The following TNS2 variants were observed in gnomAD, a reference collection of about 807,000 sequenced individuals.
TNS2 encodes tensin 2, also known as tensin-2.
In TNS2, 77 loss-of-function variants were observed where a neutral mutation model predicts 155.7. The ratio of observed to expected loss-of-function variants is 0.49; its 90% CI spans 0.41 to 0.60. The LOEUF is 0.60. Among genes scored for constraint, TNS2 ranks in the 20% least tolerant of loss-of-function variants. The pLI is 0.00. For synonymous variants in TNS2, 726 were observed against 763.9 expected (o/e 0.95, Z 0.82); for missense variants, 1,703 against 1,868.8 (o/e 0.91, Z 1.64).
At chr12:53,049,772 C>A, upstream of TNS2, 1 of 272,540 alleles carries the variant, frequency 3.7e-6, no homozygotes, top group South Asian at 3.5e-5. Flanking sequence ...AGCCCTGCCC[C>A]GAGACCAGAA....
intron 10 of TNS2, chr12:53,056,383 AC>A (rs1391526342): frequency 6.5e-6 from 1 of 153,342 alleles, no homozygotes; most frequent in African/African-American, 2.4e-5. Context: ...ACAAAACAAA[AC>A]AAAAAACAGT....
rs776007075 is a variant in TNS2 at position 53,061,218 on chromosome 12, T to C, written c.3312T>C (p.His1104=). Reference sequence around the variant, plus strand: ...CGCCAGCCAGAGGCATCAGTCACCATGTCACCTTCGCACCTCTGCTCTCAG... The same window carrying C: ...CGCCAGCCAGAGGCATCAGTCACCACGTCACCTTCGCACCTCTGCTCTCAG... The part of the protein sequence containing the change: ...ASSPARGISH[H]VTFAPLLSDN... Residue 1104 remains histidine, a synonymous_variant, in exon 20 of 29, where the codon CAT becomes CAC. Transcript: ENST00000314250. 13 of 1,574,006 alleles carry C rather than the reference T, an allele frequency of 8.3e-6. No individual in the cohort carries two copies. The highest frequency in any genetic ancestry group is 1.1e-5 in the Non-Finnish European group (13 of 1,159,614).
At position 53,057,814 on chromosome 12, in the gene TNS2, G is replaced by A. The variant is rs537448606; in HGVS notation, c.1000G>A (p.Val334Ile). 10 of 1,613,948 alleles carry A rather than the reference G, an allele frequency of 6.2e-6. No individual in the cohort carries two copies. Among genetic ancestry groups the A allele is most frequent in the African/African-American group, 1.3e-5 (1 of 75,032 alleles). ...FLKIYQSMQLVYTSGVYHIAG... is the reference protein window; with the variant it reads ...FLKIYQSMQLIYTSGVYHIAG... ...TAAAATCTACCAGTCCATGCAGCTT[G>A]TCTACACATCTGGAGTCTAGTGAGT... The change falls in exon 13 of 29, where the codon GTC becomes ATC. Residue 334 changes from valine (V) to isoleucine (I), a missense_variant. Transcript: ENST00000314250.
Position 53,059,704 on chromosome 12 carries a change from ACCCATGCCCAG to A in TNS2, c.2066_2076del (p.Pro689LeufsTer28). 6.2e-7 allele frequency: 1 copy of A among 1,612,952 alleles called. No individual in the cohort carries two copies. Among genetic ancestry groups the A allele is most frequent in the Non-Finnish European group, 8.5e-7 (1 of 1,179,882 alleles). ...GAGGACCCTGGGCTGCCTGCCCTAT[ACCCATGCCCAG>A]CCTGCGAGGAGAAGCTGGCGCTGCC... On this transcript the variant is annotated frameshift_variant, in exon 18 of 29. Transcript: ENST00000314250. LOFTEE classifies it high-confidence loss of function. This position sits in a 1 kb window ranked among gnomAD's most constrained non-coding sequence, Gnocchi z 4.7.
At chr12:53,053,483 A>T in intron 4 of TNS2, 34 bp downstream of exon 4, 1 of 1,613,426 alleles carries the variant, frequency 6.2e-7, no homozygotes, top group Non-Finnish European at 8.5e-7. Flanking sequence ...GGGGAGGGCA[A>T]GGAACCTGGC....
In TNS2 at chr12:53,054,118, C is replaced by G. The variant is rs540967594; in HGVS notation, c.350+104C>G. On this transcript the variant is annotated intron_variant, in intron 6 of 28. Coordinates refer to ENST00000314250, the MANE Select transcript of TNS2 (RefSeq NM_170754.4). The stretch of plus-strand genomic sequence containing the variant: ...AACAGAGCTCCCCGGGACAGCCCCC[C>G]ACCCCCAAAGCGGTATTCTCCCTCC... 350 of 1,574,784 alleles carry G rather than the reference C, an allele frequency of 2.2e-4. 3 individuals are homozygous for G. Among genetic ancestry groups the G allele is most frequent in the Non-Finnish European group, 2.6e-4 (297 of 1,150,082 alleles).
intron 14 of TNS2, 48 bp from the exon 15 acceptor site, chr12:53,058,268 C>T: frequency 2.5e-6 from 4 of 1,608,390 alleles, no homozygotes; most frequent in Non-Finnish European, 3.4e-6. Context: ...GGTGGAAGCG[C>T]AGAAGAGGAC....
intron 11 of TNS2, 96 bp from the exon 12 acceptor site, chr12:53,057,471 C>G: frequency 2.1e-6 from 2 of 933,692 alleles, no homozygotes; most frequent in Non-Finnish European, 3.3e-6. Context: ...AAGTGTTGAG[C>G]AGAAGAGCGA....
In TNS2 at chr12:53,064,372, A is replaced by C. The variant is rs951496912; in HGVS notation, c.*490A>C. 1 of 156,354 alleles carries C rather than the reference A, an allele frequency of 6.4e-6. No homozygotes were observed. The highest frequency in any genetic ancestry group is 2.4e-5 in the African/African-American group (1 of 41,618). The allele number at this position is 156,354 out of a possible 1,614,324, so 9.7% of individuals were successfully genotyped here. Reference sequence around the variant, plus strand: ...ATAATAAAGAATTTCTATAAACTTTAGCCGAAATTGGAGTCAACACTTATT... The same window carrying C: ...ATAATAAAGAATTTCTATAAACTTTCGCCGAAATTGGAGTCAACACTTATT... On this transcript the variant is annotated 3_prime_UTR_variant, in exon 29 of 29. Coordinates refer to ENST00000314250, the MANE Select transcript of TNS2 (RefSeq NM_170754.4).
rs374502829 is a variant in TNS2, at chr12:53,052,493, G to A, written c.222+1G>A. ...GACGCACAGAAAATGTGAAGCAAAG[G>A]TGGGTATCTGATTCTACCTGATAGG... On this transcript the variant is annotated splice_donor_variant, in intron 3 of 28. Transcript: ENST00000314250. LOFTEE classifies it high-confidence loss of function. 3 of 1,613,964 alleles carry A rather than the reference G, an allele frequency of 1.9e-6. No homozygotes were observed. The highest frequency in any genetic ancestry group is 1.1e-5 in the South Asian group (1 of 91,082).
intron 3 of TNS2, 124 bp downstream of exon 3, chr12:53,052,616 C>A: frequency 7.4e-7 from 1 of 1,348,040 alleles, no homozygotes; most frequent in Non-Finnish European, 1.1e-6. Context: ...CTGGGGAACC[C>A]CTCCTGGGTG....
chr12:53,064,049 G>A lies in TNS2; in HGVS notation c.*167G>A. 1.4e-6 allele frequency: 1 copy of A among 734,876 alleles called. No individual in the cohort carries two copies. Among genetic ancestry groups the A allele is most frequent in the South Asian group, 1.9e-5 (1 of 52,166 alleles). 45.5% of individuals were successfully genotyped at this position (734,876 alleles called of 1,614,324 possible). A position where few individuals can be genotyped will look rare whatever the true frequency, so the allele number is the denominator to read the frequency against. ...ACACTGCTCTCCTTCCCCGCCCCCA[G>A]CCTGCTAAGTTAAGTGGACAGGCCC... is the stretch of plus-strand genomic sequence containing the variant. On this transcript the variant is annotated 3_prime_UTR_variant, in exon 29 of 29. Coordinates refer to ENST00000314250, the MANE Select transcript of TNS2 (RefSeq NM_170754.4).
chr12:53,052,563 C>A, intron 3 of TNS2, 71 bp downstream of exon 3: 1 of 1,591,690 alleles, frequency 6.3e-7, no homozygotes, highest in Non-Finnish European at 8.6e-7. Context: ...CAGGCTTCTG[C>A]AACCACACTG....
In TNS2 at chr12:53,060,744, G is replaced by T. The variant is rs140189055; in HGVS notation, c.2838G>T (p.Leu946Phe). ...AGAGACTGAGTCCTGGCGAGGCCTT[G>T]CCCCCTGTTTCCCAGGCAGGCACCG... is the stretch of plus-strand genomic sequence containing the variant. Reference protein sequence around the residue: ...PTQRLSPGEALPPVSQAGTGK... With the variant: ...PTQRLSPGEAFPPVSQAGTGK... The change falls in exon 20 of 29, where the codon TTG becomes TTT. Residue 946 changes from leucine (L) to phenylalanine (F), a missense_variant. Physicochemically the swap from Leu to Phe is conservative, Grantham distance 22. Transcript: ENST00000314250. This position sits in a 1 kb window ranked among gnomAD's most constrained non-coding sequence, Gnocchi z 6.1. 1.2e-6 allele frequency: 2 copies of T among 1,610,518 alleles called. No individual in the cohort carries two copies. The highest frequency in any genetic ancestry group is 1.7e-5 in the Admixed American group (1 of 59,752).
intron 4 of TNS2, 27 bp downstream of exon 4, chr12:53,053,476 G>A: frequency 6.2e-7 from 1 of 1,613,706 alleles, no homozygotes; most frequent in Non-Finnish European, 8.5e-7. Flanking sequence ...ATGGGGTGGG[G>A]AGGGCAAGGA....
In TNS2 at chr12:53,059,819, G is replaced by C; in HGVS notation, c.2178G>C (p.Leu726=). ...CAAGTGAGGCTGGCAAGCCTCTCCTGCACCCAGTGCGGCCTGGGCACCCGC... is the reference window on the plus strand; with the variant it reads ...CAAGTGAGGCTGGCAAGCCTCTCCTCCACCCAGTGCGGCCTGGGCACCCGC... ...GWASEAGKPL[L]HPVRPGHPLP... is the part of the protein sequence containing the mutation. The change falls in exon 18 of 29, where the codon CTG becomes CTC. Residue 726 remains leucine (L), a synonymous_variant. Coordinates refer to ENST00000314250, the MANE Select transcript of TNS2 (RefSeq NM_170754.4). This position sits in a 1 kb window ranked among gnomAD's most constrained non-coding sequence, Gnocchi z 4.7. 6.2e-7 allele frequency: 1 copy of C among 1,612,934 alleles called. No individual in the cohort carries two copies. Among genetic ancestry groups the C allele is most frequent in the South Asian group, 1.1e-5 (1 of 91,072 alleles).
In TNS2 at chr12:53,052,437, T is replaced by A. The variant is rs1565601969; in HGVS notation, c.185-18T>A. The A allele has an allele frequency of 6.2e-7, 1 of 1,613,754 alleles. No homozygotes were observed. Among genetic ancestry groups the A allele is most frequent in the African/African-American group, 1.3e-5 (1 of 74,952 alleles). On this transcript the variant is annotated intron_variant, in intron 2 of 28. Coordinates refer to ENST00000314250, the MANE Select transcript of TNS2 (RefSeq NM_170754.4). Reference sequence around the variant, plus strand: ...CACAGGCCCCTGCTAACCCCTCTCCTCCCCTTACCTTCCCTAGTCTGCAAG... The same window carrying A: ...CACAGGCCCCTGCTAACCCCTCTCCACCCCTTACCTTCCCTAGTCTGCAAG...
Position 53,061,265 on chromosome 12 carries a change from G to T in TNS2, c.3358+1G>T, listed in dbSNP as rs1944375805. 1 of 1,580,030 alleles carries T rather than the reference G, an allele frequency of 6.3e-7. No homozygotes were observed. The highest frequency in any genetic ancestry group is 8.6e-7 in the Non-Finnish European group (1 of 1,163,194). ...TCAGATAATGTCCCCCAAACCCCAG[G>T]TATAAAGGCCTTGAGGGGGTTGGTG... On this transcript the variant is annotated splice_donor_variant, in intron 20 of 28. Transcript: ENST00000314250. LOFTEE classifies it high-confidence loss of function.
At chr12:53,050,043 C>A, upstream of TNS2, 1 of 1,476,112 alleles carries the variant, frequency 6.8e-7, no homozygotes, top group Non-Finnish European at 9.0e-7. The surrounding 1 kb of genome is among the most constrained non-coding windows in gnomAD (Gnocchi z 4.7). Context: ...CTTCCAGGGC[C>A]GGGCTTCTCC....
Sources: gnomAD v4.1 joint callset for allele counts on GRCh38, gnomAD v4.1.1 for gene constraint, Gnocchi (gnomAD v3.1) non-coding constraint, MANE v1.5 for transcripts, NCBI Gene and HGNC (gene_info 2026-07-23, HGNC 2026-07-21) for gene names.